The following LAMA2 variants were observed in gnomAD, a reference collection of about 807,000 sequenced individuals.
LAMA2 encodes laminin subunit alpha 2.
Under a neutral mutation model 364.8 loss-of-function variants are expected in LAMA2, and 269 were observed. That is an observed-to-expected ratio of 0.74 (90% confidence interval 0.67 to 0.82). The LOEUF is 0.82. Ranked by LOEUF, LAMA2 falls within the 40% of genes least tolerant of loss-of-function variation. LAMA2 has a pLI of 0.00. For missense variants in LAMA2, 3,807 were observed against 3,873.2 expected (o/e 0.98, Z 0.45); for synonymous variants, 1,379 against 1,370.6 (o/e 1.01, Z -0.14).
At chr6:128,909,905 T>C (rs1777776710) in intron 1 of LAMA2, among the ~76,000 whole-genome samples, 2 of 151,650 alleles carry the variant, frequency 1.3e-5, no homozygotes, top group Admixed American at 1.3e-4. Context: ...AAGCTTAGTT[T>C]GGCTGGATAT....
intron 1 of LAMA2, among the ~76,000 whole-genome samples, chr6:128,981,316 C>CT (rs1171431249): frequency 1.3e-5 from 2 of 152,116 alleles, no homozygotes; most frequent in Admixed American, 6.6e-5. Flanking sequence ...CTTTGGTCGG[C>CT]TTCTGTCACC....
At chr6:129,268,698 G>C (rs1787702531) in intron 16 of LAMA2, among the ~76,000 whole-genome samples, 1 of 152,176 alleles carries the variant, frequency 6.6e-6, no homozygotes, top group South Asian at 2.1e-4. Flanking sequence ...TACTGATTTT[G>C]TTTCATGAAC....
chr6:129,082,209 A>G (rs1583008576), intron 3 of LAMA2, among the ~76,000 whole-genome samples: 1 of 152,112 alleles, frequency 6.6e-6, no homozygotes, highest in East Asian at 1.9e-4. Flanking sequence ...TGACTGGTAT[A>G]TAATAAGTAA....
intron 8 of LAMA2, among the ~76,000 whole-genome samples, chr6:129,163,124 T>G (rs953910792): frequency 4.6e-5 from 7 of 152,296 alleles, no homozygotes; most frequent in Non-Finnish European, 8.8e-5. Context: ...TACTTATTTT[T>G]TTTAGGCTTT....
At chr6:129,383,257 A>G (rs758976204) in intron 35 of LAMA2, 24 bp downstream of exon 35, 1 of 1,538,290 alleles carries the variant, frequency 6.5e-7, no homozygotes, top group African/African-American at 1.4e-5. Context: ...TCACATTTTA[A>G]TCATCATTTC....
At chr6:128,906,345 T>C (rs1282824720) in intron 1 of LAMA2, among the ~76,000 whole-genome samples, 1 of 132,462 alleles carries the variant, frequency 7.5e-6, no homozygotes, top group Non-Finnish European at 1.6e-5. Flanking sequence ...TGTGAGATGG[T>C]ATCTCATTGT....
At chr6:129,480,870 GT>G (rs1430794953) in intron 54 of LAMA2, among the ~76,000 whole-genome samples, 1 of 152,008 alleles carries the variant, frequency 6.6e-6, no homozygotes, top group East Asian at 1.9e-4. Context: ...AGAGATATTC[GT>G]TACAGTGTTT....
At chr6:129,191,182 A>G (rs902290677) in intron 11 of LAMA2, among the ~76,000 whole-genome samples, 1 of 152,226 alleles carries the variant, frequency 6.6e-6, no homozygotes, top group African/African-American at 2.4e-5. Context: ...CATTGAAGAA[A>G]TTTAAGCTAA....
intron 9 of LAMA2, among the ~76,000 whole-genome samples, chr6:129,172,878 AC>A: frequency 6.6e-6 from 1 of 152,256 alleles, no homozygotes; most frequent in Middle Eastern, 3.4e-3. Flanking sequence ...CTCATGGTTC[AC>A]CGTTTTTTAA....
At chr6:129,420,847 C>A (rs1363173318) in intron 40 of LAMA2, among the ~76,000 whole-genome samples, 1 of 152,156 alleles carries the variant, frequency 6.6e-6, no homozygotes, top group Non-Finnish European at 1.5e-5. Flanking sequence ...GCAGAGCCTC[C>A]TCTGACAGCC....
intron 4 of LAMA2, among the ~76,000 whole-genome samples, chr6:129,116,908 T>C (rs1246280647): frequency 6.6e-6 from 1 of 152,110 alleles, no homozygotes; most frequent in African/African-American, 2.4e-5. Flanking sequence ...AAGTGTACTT[T>C]TTTATGCTTG....
chr6:129,213,694 G>A (rs2115077560), intron 12 of LAMA2, among the ~76,000 whole-genome samples: 1 of 152,198 alleles, frequency 6.6e-6, no homozygotes, highest in East Asian at 1.9e-4. Context: ...TATCTGTTTA[G>A]ATTTTTTCCA....
rs746706154 is a variant in LAMA2, at chr6:129,342,414, A to G, written c.4383A>G (p.Gly1461=). The G allele has an allele frequency of 3.7e-6, 6 of 1,613,456 alleles. No individual in the cohort carries two copies. The highest frequency in any genetic ancestry group is 4.2e-6 in the Non-Finnish European group (5 of 1,179,454). The change falls in exon 30 of 65, where the codon GGA becomes GGG. Residue 1461 remains glycine, a synonymous_variant. Transcript: ENST00000421865. ...TTGGATACTATGGAATTGTCAAGGGATTGCCAAATGACTGTCAGCAATGTG... is the reference window on the plus strand; with the variant it reads ...TTGGATACTATGGAATTGTCAAGGGGTTGCCAAATGACTGTCAGCAATGTG... ...CALGYYGIVK[G]LPNDCQQCAC... is the part of the protein sequence containing the mutation.
rs193094330 is a variant in LAMA2 at position 129,013,109 on chromosome 6, T to C, written c.113-36809T>C. On this transcript the variant is annotated intron_variant, in intron 1 of 64. Coordinates refer to ENST00000421865, the MANE Select transcript of LAMA2 (RefSeq NM_000426.4). ...TACAGGTTTTATTTGAAGCAGTCTT[T>C]CAGCTTTTCTATATGATTACATTTT... 8.9e-4 allele frequency among the ~76,000 whole-genome samples: 136 copies of C among 152,350 alleles called. 1 individual carries two copies. The highest frequency in any genetic ancestry group is 3.2e-3 in the Admixed American group (49 of 15,308).
intron 60 of LAMA2, 87 bp downstream of exon 60, chr6:129,503,367 C>A: frequency 8.0e-7 from 1 of 1,257,540 alleles, no homozygotes; most frequent in Non-Finnish European, 1.2e-6. Flanking sequence ...TATATTTTGC[C>A]AGGGCAGACA....
chr6:129,303,809 T>G (rs1210515951), intron 22 of LAMA2, among the ~76,000 whole-genome samples: 1 of 152,204 alleles, frequency 6.6e-6, no homozygotes, highest in Non-Finnish European at 1.5e-5. Flanking sequence ...GAATCCTGTT[T>G]GCTAGCATTT....
intron 56 of LAMA2, among the ~76,000 whole-genome samples, chr6:129,491,543 C>T (rs1240565832): frequency 1.3e-5 from 2 of 152,212 alleles, no homozygotes; most frequent in South Asian, 2.1e-4. Context: ...AGGAAGACCC[C>T]ATGCTTTGCT....
At chr6:129,227,693 C>T (rs566764022) in intron 12 of LAMA2, among the ~76,000 whole-genome samples, 66 of 152,244 alleles carry the variant, frequency 4.3e-4, no homozygotes, top group African/African-American at 1.5e-3. Flanking sequence ...CTGGAAGCTT[C>T]GTCTCAGAGG....
At chr6:129,397,849 A>G (rs542604334) in intron 37 of LAMA2, among the ~76,000 whole-genome samples, 37 of 150,146 alleles carry the variant, frequency 2.5e-4, no homozygotes, top group Non-Finnish European at 4.0e-4. Context: ...AGGCAGGAGA[A>G]TGGTGTGAAC....
Sources: gnomAD v4.1 joint callset for allele counts (sites outside exome capture counted in the v4.1 genomes callset) on GRCh38, gnomAD v4.1.1 for gene constraint, MANE v1.5 for transcripts, NCBI Gene and HGNC (gene_info 2026-07-23, HGNC 2026-07-21) for gene names.